ZNF362: variants seen among roughly 807,000 people sequenced by gnomAD.
ZNF362 encodes the protein rotund homolog.
Under a neutral mutation model 42.9 loss-of-function variants are expected in ZNF362, and 11 were observed. The observed-to-expected ratio is 0.26, with a 90% confidence interval of 0.16 to 0.42. The LOEUF (loss-of-function observed/expected upper bound fraction) is 0.42. Ranked by LOEUF, ZNF362 falls within the 20% of genes least tolerant of loss-of-function variation. ZNF362 has a pLI of 1.00. For missense variants in ZNF362, 362 were observed against 576.2 expected, an observed-to-expected ratio of 0.63 and a Z score of 3.81; for synonymous variants, 255 against 257.3, an observed-to-expected ratio of 0.99 and a Z score of 0.09.
chr1:33,164,175 G>T, the ZNF362 span: 1 of 152,216 alleles, frequency 6.6e-6, no homozygotes, highest in African/African-American at 2.4e-5. Context: ...CGAGGGTCCT[G>T]CCCAGAGGCA....
chr1:33,163,991 G>A, the ZNF362 span: 2 of 152,556 alleles, frequency 1.3e-5, no homozygotes, highest in Non-Finnish European at 2.9e-5. Flanking sequence ...GTGGAGAGAA[G>A]AGAGTGCTGC....
the ZNF362 span, among the ~76,000 whole-genome samples, chr1:33,130,988 G>A: frequency 0.011 from 1,720 of 152,228 alleles, 30 homozygotes; most frequent in African/African-American, 0.039. Context: ...TGTGAGGGAT[G>A]GTATTTGCTA....
intron 1 of ZNF362, among the ~76,000 whole-genome samples, chr1:33,259,888 G>A (rs1191130982): frequency 6.6e-6 from 1 of 152,248 alleles, no homozygotes; most frequent in Admixed American, 6.5e-5. Context: ...GTCCCATTGT[G>A]TCACATGGCT....
chr1:33,200,262 G>C, the ZNF362 span: 23 of 151,628 alleles, frequency 1.5e-4, no homozygotes, highest in African/African-American at 5.1e-4. Flanking sequence ...GGAGTTAGAG[G>C]TTACATTACA....
the ZNF362 span, among the ~76,000 whole-genome samples, chr1:33,217,028 A>G: frequency 6.6e-6 from 1 of 151,916 alleles, no homozygotes; most frequent in African/African-American, 2.4e-5. Context: ...AAGACTGGGG[A>G]TGGAGAGAGG....
chr1:33,288,743 CA>C (rs60197226), intron 6 of ZNF362, among the ~76,000 whole-genome samples: 14 of 27,356 alleles, frequency 5.1e-4, no homozygotes, highest in East Asian at 1.5e-3. Context: ...GACTCTGTCT[CA>C]AAAAAAAAAA....
chr1:33,288,876 A>G (rs942027281), intron 6 of ZNF362, among the ~76,000 whole-genome samples: 1 of 151,804 alleles, frequency 6.6e-6, no homozygotes, highest in African/African-American at 2.4e-5. Flanking sequence ...TTCTGATGTT[A>G]GAATTGAGGG....
the ZNF362 span, among the ~76,000 whole-genome samples, chr1:33,127,617 A>G: frequency 1.2e-4 from 19 of 152,228 alleles, no homozygotes; most frequent in Non-Finnish European, 2.6e-4. Flanking sequence ...TTATTTGCGC[A>G]TCAGCTACTT....
chr1:33,167,630 C>T, the ZNF362 span, among the ~76,000 whole-genome samples: 8 of 152,318 alleles, frequency 5.3e-5, no homozygotes, highest in Middle Eastern at 3.4e-3. The surrounding 1 kb of genome is among the most constrained non-coding windows in gnomAD (Gnocchi z 4.2). Flanking sequence ...AATGAAGTTC[C>T]TGGAAATGGC....
chr1:33,170,981 C>T, the ZNF362 span, among the ~76,000 whole-genome samples: 1 of 152,206 alleles, frequency 6.6e-6, no homozygotes, highest in Non-Finnish European at 1.5e-5. Flanking sequence ...TCCCTAGTCG[C>T]TTCTTTGTGT....
chr1:33,282,696 T>G (rs1646004330), intron 6 of ZNF362, among the ~76,000 whole-genome samples: 1 of 151,726 alleles, frequency 6.6e-6, no homozygotes, highest in Non-Finnish European at 1.5e-5. Flanking sequence ...GTGGTGGGCG[T>G]CTGTAATCCC....
At chr1:33,128,335 G>C in the ZNF362 span, among the ~76,000 whole-genome samples, 4 of 152,122 alleles carry the variant, frequency 2.6e-5, no homozygotes, top group Non-Finnish European at 5.9e-5. Flanking sequence ...CGTGAGTGGG[G>C]CACTGCACTC....
intron 1 of ZNF362, among the ~76,000 whole-genome samples, chr1:33,262,974 A>G (rs1326326988): frequency 6.6e-6 from 1 of 152,072 alleles, no homozygotes; most frequent in African/African-American, 2.4e-5. Flanking sequence ...TACACCGTGC[A>G]CTCTCCTGGG....
the ZNF362 span, among the ~76,000 whole-genome samples, chr1:33,158,864 G>A: frequency 6.6e-6 from 1 of 150,728 alleles, no homozygotes; most frequent in Non-Finnish European, 1.5e-5. Context: ...TTTTGAGACA[G>A]AGTTTCGCTC....
chr1:33,179,931 T>C, the ZNF362 span, among the ~76,000 whole-genome samples: 1 of 152,338 alleles, frequency 6.6e-6, no homozygotes, highest in East Asian at 1.9e-4. Flanking sequence ...ATAAAAAATA[T>C]ACTATATTTC....
chr1:33,212,652 A>G, the ZNF362 span, among the ~76,000 whole-genome samples: 1 of 152,134 alleles, frequency 6.6e-6, no homozygotes, highest in Non-Finnish European at 1.5e-5. Flanking sequence ...AGTAAGACAG[A>G]GAGGTGGTGG....
At chr1:33,163,060 T>G in the ZNF362 span, 1 of 152,048 alleles carries the variant, frequency 6.6e-6, no homozygotes, top group Non-Finnish European at 1.5e-5. Context: ...TTTTTTGAGA[T>G]GGAGTCTCAC....
chr1:33,174,975 ATATACATATATATG>A, the ZNF362 span, among the ~76,000 whole-genome samples: 1 of 136,020 alleles, frequency 7.4e-6, no homozygotes, highest in African/African-American at 3.0e-5. Flanking sequence ...ATATACACAC[ATATACATATATATG>A]CACACACACA....
chr1:33,262,710 A>G (rs1376942377), intron 1 of ZNF362, among the ~76,000 whole-genome samples: 1 of 152,146 alleles, frequency 6.6e-6, no homozygotes, highest in African/African-American at 2.4e-5. Context: ...CAACACACTC[A>G]AATACATTCA....
Sources: gnomAD v4.1 joint callset for allele counts (sites outside exome capture counted in the v4.1 genomes callset) on GRCh38, gnomAD v4.1.1 for gene constraint, Gnocchi (gnomAD v3.1) non-coding constraint, MANE v1.5 for transcripts, NCBI Gene and HGNC (gene_info 2026-07-23, HGNC 2026-07-21) for gene names.